Variants in SH3GL2 observed in about 807,000 individuals in gnomAD.
SH3GL2 encodes the protein endophilin-A1.
SH3GL2 carries 24 observed loss-of-function variants against 46.0 expected under a neutral mutation model. That is an observed-to-expected ratio of 0.52 (90% CI 0.38 to 0.73). The LOEUF is 0.73. Among genes scored for constraint, SH3GL2 ranks in the 30% least tolerant of loss-of-function variants. The pLI, the probability that SH3GL2 is intolerant of heterozygous loss-of-function variation, is 0.00. For synonymous variants in SH3GL2, 196 were observed against 147.1 expected (o/e 1.33, Z -2.40); for missense variants, 413 against 424.2 (o/e 0.97, Z 0.23).
intron 1 of SH3GL2, among the ~76,000 whole-genome samples, chr9:17,734,486 A>G (rs1025956494): frequency 2.6e-5 from 4 of 152,152 alleles, no homozygotes; most frequent in African/African-American, 9.6e-5. Context: ...TTAGTTATCC[A>G]TATATTAGAA....
intron 1 of SH3GL2, among the ~76,000 whole-genome samples, chr9:17,728,295 T>A: frequency 6.6e-6 from 1 of 152,070 alleles, no homozygotes. Context: ...GTGTATGTAT[T>A]TAACTAATAG....
intron 1 of SH3GL2, among the ~76,000 whole-genome samples, chr9:17,697,220 T>TG (rs1821225393): frequency 6.6e-6 from 1 of 150,880 alleles, no homozygotes; most frequent in African/African-American, 2.4e-5. Flanking sequence ...TGAGCTCAAA[T>TG]GCATTTCTTT....
intron 1 of SH3GL2, among the ~76,000 whole-genome samples, chr9:17,712,899 A>G (rs956000354): frequency 2.3e-5 from 3 of 130,832 alleles, no homozygotes; most frequent in African/African-American, 8.8e-5. Context: ...CCTTGATTAC[A>G]ATGTCCAATA....
chr9:17,691,648 T>G (rs1821081782), intron 1 of SH3GL2, among the ~76,000 whole-genome samples: 1 of 152,178 alleles, frequency 6.6e-6, no homozygotes. Flanking sequence ...GTTGCTTTCT[T>G]CTAGCTCTCA....
chr9:17,597,664 A>G (rs932592315), intron 1 of SH3GL2, among the ~76,000 whole-genome samples: 1 of 152,170 alleles, frequency 6.6e-6, no homozygotes, highest in South Asian at 2.1e-4. Context: ...CTTCTTTCAT[A>G]ATTGGACACA....
intron 1 of SH3GL2, among the ~76,000 whole-genome samples, chr9:17,617,706 A>G (rs1489037946): frequency 1.3e-5 from 2 of 152,220 alleles, no homozygotes; most frequent in Non-Finnish European, 2.9e-5. Flanking sequence ...ACTGGAAACT[A>G]GCTAACTGAG....
chr9:17,650,029 T>C (rs7039627), intron 1 of SH3GL2, among the ~76,000 whole-genome samples: 136,457 of 152,276 alleles, frequency 0.9, 62,899 homozygotes, highest in Non-Finnish European at 1. Context: ...GTGTTCCACA[T>C]ATTTCTAATA....
At chr9:17,688,187 C>T (rs1820974574) in intron 1 of SH3GL2, among the ~76,000 whole-genome samples, 1 of 152,040 alleles carries the variant, frequency 6.6e-6, no homozygotes, top group African/African-American at 2.4e-5. Flanking sequence ...CCAAGATTAT[C>T]TGGTTCTAAC....
At chr9:17,582,571 T>C (rs1818297486) in intron 1 of SH3GL2, among the ~76,000 whole-genome samples, 1 of 152,256 alleles carries the variant, frequency 6.6e-6, no homozygotes, top group African/African-American at 2.4e-5. Flanking sequence ...ATCATGCATA[T>C]GATGTGGACA....
At position 17,782,887 on chromosome 9, in the gene SH3GL2, A is replaced by G. The variant is rs1322702796; in HGVS notation, c.188-3494A>G. 4.6e-5 allele frequency among the ~76,000 whole-genome samples: 7 copies of G among 152,148 alleles called. No individual in the cohort carries two copies. The South Asian group carries it at 6.2e-4, about 13-fold the overall frequency. On this transcript the variant is annotated intron_variant, in intron 3 of 8. Transcript: ENST00000380607. ...TCTAACGCACGCCAGCCTTCATAGT[A>G]TTAGGGCTGCTGCTTCAACTTCACC... is the stretch of plus-strand genomic sequence containing the variant.
intron 1 of SH3GL2, among the ~76,000 whole-genome samples, chr9:17,700,249 C>G (rs753901543): frequency 6.6e-6 from 1 of 152,132 alleles, no homozygotes; most frequent in African/African-American, 2.4e-5. Flanking sequence ...AGAGGATGAG[C>G]TATTTTATTT....
intron 3 of SH3GL2, among the ~76,000 whole-genome samples, chr9:17,774,496 G>T (rs1219913585): frequency 4.0e-5 from 6 of 151,384 alleles, no homozygotes; most frequent in Non-Finnish European, 8.8e-5. Context: ...TCATGAAAAG[G>T]TGTTGAACTT....
rs1313748913 is a variant in SH3GL2, at chr9:17,635,759, C to G, written c.45+56472C>G. Among the ~76,000 whole-genome samples, 3 of 152,246 alleles carry G rather than the reference C, an allele frequency of 2.0e-5. No individual in the cohort carries two copies. In the South Asian group the frequency reaches 6.2e-4, roughly 32 times the overall value. Reference sequence around the variant, plus strand: ...CTCTTGGAGTCAGCTGTGATGCCCCCAGGGGTTCAGGCACAAGGGAGAAAA... The same window carrying G: ...CTCTTGGAGTCAGCTGTGATGCCCCGAGGGGTTCAGGCACAAGGGAGAAAA... On this transcript the variant is annotated intron_variant, in intron 1 of 8. Transcript: ENST00000380607.
At chr9:17,710,956 A>G (rs940957468) in intron 1 of SH3GL2, among the ~76,000 whole-genome samples, 1 of 152,010 alleles carries the variant, frequency 6.6e-6, no homozygotes, top group Non-Finnish European at 1.5e-5. Context: ...TTATAACAGT[A>G]TACTTAATAA....
At chr9:17,723,719 C>T (rs1457355365) in intron 1 of SH3GL2, among the ~76,000 whole-genome samples, 1 of 152,070 alleles carries the variant, frequency 6.6e-6, no homozygotes, top group Non-Finnish European at 1.5e-5. Flanking sequence ...ATTTCTGCTA[C>T]CTATGAAGAC....
chr9:17,748,884 A>G (rs1822766779), intron 2 of SH3GL2, among the ~76,000 whole-genome samples: 1 of 152,194 alleles, frequency 6.6e-6, no homozygotes, highest in South Asian at 2.1e-4. Context: ...AGCCTGGTAA[A>G]GGAAACAGCA....
At chr9:17,670,864 A>C (rs1410432906) in intron 1 of SH3GL2, among the ~76,000 whole-genome samples, 1 of 152,212 alleles carries the variant, frequency 6.6e-6, no homozygotes, top group African/African-American at 2.4e-5. Flanking sequence ...TTCACCTGGA[A>C]GGCTTATTAA....
At chr9:17,739,405 T>C (rs1188780108) in intron 1 of SH3GL2, among the ~76,000 whole-genome samples, 2 of 152,132 alleles carry the variant, frequency 1.3e-5, no homozygotes, top group Non-Finnish European at 2.9e-5. Flanking sequence ...CCTCAAGTCT[T>C]AGAGTCTGTT....
chr9:17,791,357 T>A, intron 7 of SH3GL2, 23 bp downstream of exon 7: 3 of 1,428,774 alleles, frequency 2.1e-6, no homozygotes, highest in Non-Finnish European at 3.0e-6. Context: ...TCCCTGCATT[T>A]CACATTTGCA....
Sources: allele counts gnomAD v4.1 joint callset (sites outside exome capture counted in the v4.1 genomes callset), GRCh38; gene constraint gnomAD v4.1.1; transcripts MANE v1.5; gene names NCBI Gene and HGNC (gene_info 2026-07-23, HGNC 2026-07-21).